SMYD3: variants seen among roughly 807,000 people sequenced by gnomAD.
SMYD3 encodes the protein histone-lysine N-methyltransferase SMYD3.
In SMYD3, 36 loss-of-function variants were observed where a neutral mutation model predicts 57.7. The observed-to-expected ratio is 0.62, with a 90% CI of 0.48 to 0.82. The LOEUF is 0.82. Among genes scored for constraint, SMYD3 ranks in the 40% least tolerant of loss-of-function variants. SMYD3 has a pLI of 0.00. For synonymous variants in SMYD3, 211 were observed against 195.0 expected (o/e 1.08, Z -0.68); for missense variants, 515 against 538.8 (o/e 0.96, Z 0.44).
chr1:246,138,714 C>T (rs905340450), intron 5 of SMYD3, among the ~76,000 whole-genome samples: 9 of 151,978 alleles, frequency 5.9e-5, no homozygotes, highest in African/African-American at 1.7e-4. Flanking sequence ...CATGAGTCAC[C>T]GCGCCCAGCC....
chr1:246,495,950 G>A (rs1161734119), intron 1 of SMYD3, among the ~76,000 whole-genome samples: 2 of 146,224 alleles, frequency 1.4e-5, no homozygotes, highest in African/African-American at 5.0e-5. Flanking sequence ...GGGTGACAGT[G>A]AGACTTCACC....
intron 10 of SMYD3, among the ~76,000 whole-genome samples, chr1:245,773,788 T>G (rs1001686450): frequency 1.3e-5 from 2 of 152,222 alleles, no homozygotes; most frequent in Non-Finnish European, 2.9e-5. Context: ...GGTAATGAGA[T>G]ATTCCCTACA....
chr1:245,786,662 G>A (rs1010216903), intron 10 of SMYD3, among the ~76,000 whole-genome samples: 5 of 150,460 alleles, frequency 3.3e-5, no homozygotes, highest in Admixed American at 6.6e-5. Context: ...AGCATCACCC[G>A]TCCCACAGCG....
intron 5 of SMYD3, among the ~76,000 whole-genome samples, chr1:245,996,419 G>A (rs895418919): frequency 1.3e-5 from 2 of 152,142 alleles, no homozygotes; most frequent in Non-Finnish European, 2.9e-5. Context: ...CAATGCTAAT[G>A]GGTTTATATA....
At chr1:245,751,580 GAGAGAGAGAGAGAA>G (rs549065673) in intron 11 of SMYD3, among the ~76,000 whole-genome samples, 42,439 of 137,230 alleles carry the variant, frequency 0.31, 6,659 homozygotes, top group East Asian at 0.53. Context: ...GAAAGAGAAA[GAGAGAGAGAGAGAA>G]AGAGAGAGAG....
rs989096294 is a variant in SMYD3, at chr1:246,355,782, C to G, written c.165-688G>C. Among the ~76,000 whole-genome samples, 1 of 152,136 alleles carries G rather than the reference C, an allele frequency of 6.6e-6. No homozygotes were observed. Among genetic ancestry groups the G allele is most frequent in the Non-Finnish European group, 1.5e-5 (1 of 68,024 alleles). ...AACCACATCCCCATCCCAACAGCAG[C>G]CGCAGCAATCCCCAGCCAAGGAGAA... is the stretch of plus-strand genomic sequence containing the variant. On this transcript the variant is annotated intron_variant, in intron 1 of 11. Transcript: ENST00000490107. This position sits in a 1 kb window ranked among gnomAD's most constrained non-coding sequence, Gnocchi z 5.0.
intron 1 of SMYD3, among the ~76,000 whole-genome samples, chr1:246,442,480 A>G (rs2067485244): frequency 6.6e-6 from 1 of 152,080 alleles, no homozygotes; most frequent in African/African-American, 2.4e-5. Context: ...CCTGGGAGGC[A>G]GAGGTCGCAA....
rs866676120 is a variant in SMYD3, at chr1:246,222,364, C to T, written c.531+104837G>A. 2.0e-5 allele frequency among the ~76,000 whole-genome samples: 3 copies of T among 152,144 alleles called. 1 individual carries two copies. The highest frequency in any genetic ancestry group is 6.8e-3 in the Middle Eastern group (2 of 294). On this transcript the variant is annotated intron_variant, in intron 5 of 11. Coordinates refer to ENST00000490107, the MANE Select transcript of SMYD3 (RefSeq NM_001167740.2). ...ACAAGGAACAAAGCACAGAGAGATC[C>T]ATATTACAGAAAATGGACTGAACTC...
chr1:245,953,233 TTTC>T lies in SMYD3; in HGVS notation c.532-23299_532-23297del, dbSNP rs759756635. The stretch of plus-strand genomic sequence containing the variant: ...AGAAAGAAACAAAGCAAGATTACCT[TTTC>T]TTCTTCTTCTTCCATAGTTTAAATT... On this transcript the variant is annotated intron_variant, in intron 5 of 11. Transcript: ENST00000490107. 300 of 999,684 alleles carry T rather than the reference TTTC, an allele frequency of 3.0e-4. No homozygotes were observed. The African/African-American group carries it at 3.6e-3, about 12-fold the overall frequency. The allele number at this position is 999,684 out of a possible 1,614,324, so 61.9% of individuals were successfully genotyped here. A position where few individuals can be genotyped will look rare whatever the true frequency, so the allele number is the denominator to read the frequency against.
intron 5 of SMYD3, among the ~76,000 whole-genome samples, chr1:246,114,944 A>G (rs1237616589): frequency 6.6e-6 from 1 of 152,106 alleles, no homozygotes; most frequent in Non-Finnish European, 1.5e-5. Context: ...CTTGGTTTTA[A>G]CTCGCACCTG....
chr1:246,090,475 C>T (rs7546768), intron 5 of SMYD3, among the ~76,000 whole-genome samples: 12,638 of 151,038 alleles, frequency 0.084, 1,598 homozygotes, highest in African/African-American at 0.27. Context: ...TTGGAAGACT[C>T]CTCTCTCTAT....
chr1:246,145,548 C>T (rs1001370617), intron 5 of SMYD3, among the ~76,000 whole-genome samples: 11 of 152,206 alleles, frequency 7.2e-5, no homozygotes, highest in African/African-American at 2.7e-4. Flanking sequence ...CTGCTATATA[C>T]TCACCAAATG....
At chr1:245,892,170 T>TA (rs1254536270) in intron 8 of SMYD3, among the ~76,000 whole-genome samples, 12 of 152,172 alleles carry the variant, frequency 7.9e-5, no homozygotes, top group Middle Eastern at 3.4e-3. Context: ...CAGGAGGAGT[T>TA]AAAAAACTGT....
intron 10 of SMYD3, among the ~76,000 whole-genome samples, chr1:245,787,153 G>A (rs747393163): frequency 6.6e-6 from 1 of 151,518 alleles, no homozygotes; most frequent in Non-Finnish European, 1.5e-5. Context: ...CCACAGCCTT[G>A]CTATGCCCTG....
In SMYD3 at chr1:246,339,940, A is replaced by T. The variant is rs990249195; in HGVS notation, c.229-4466T>A. ...CTTGGACTTCCCGGCCTCCAGAAAC[A>T]CCAGCCAAATAAACTTCTATTGTTT... On this transcript the variant is annotated intron_variant, in intron 2 of 11. Coordinates refer to ENST00000490107, the MANE Select transcript of SMYD3 (RefSeq NM_001167740.2). Among the ~76,000 whole-genome samples the T allele has an allele frequency of 9.2e-5, 14 of 152,284 alleles. 1 individual carries two copies. The highest frequency in any genetic ancestry group is 5.8e-4 in the East Asian group (3 of 5,184).
chr1:245,861,969 C>T (rs998330264), intron 9 of SMYD3, among the ~76,000 whole-genome samples: 12 of 149,118 alleles, frequency 8.0e-5, no homozygotes, highest in African/African-American at 2.9e-4. Context: ...TGAAACTGAA[C>T]TCTGGCTGGG....
At chr1:246,296,311 G>C (rs970791280) in intron 5 of SMYD3, among the ~76,000 whole-genome samples, 1 of 152,118 alleles carries the variant, frequency 6.6e-6, no homozygotes, top group African/African-American at 2.4e-5. Flanking sequence ...CTTTAGCCAT[G>C]AACAACTCAT....
intron 1 of SMYD3, among the ~76,000 whole-genome samples, chr1:246,404,581 A>G (rs1271630549): frequency 6.6e-6 from 1 of 152,194 alleles, no homozygotes; most frequent in Non-Finnish European, 1.5e-5. Flanking sequence ...TTGCAAGTTA[A>G]AGAGACAGAA....
In SMYD3 at chr1:246,418,334, G is replaced by T. The variant is rs2067093673; in HGVS notation, c.165-63240C>A. Among the ~76,000 whole-genome samples the T allele has an allele frequency of 2.6e-5, 4 of 152,186 alleles. No homozygotes were observed. The South Asian group carries it at 8.3e-4, about 31-fold the overall frequency. On this transcript the variant is annotated intron_variant, in intron 1 of 11. Coordinates refer to ENST00000490107, the MANE Select transcript of SMYD3 (RefSeq NM_001167740.2). ...GTCCCCCTCTGCCACAGAGGGAGTG[G>T]CTTGCTTCTTCAGCGCCCTGCTGCT...
Sources: gnomAD v4.1 joint callset for allele counts (sites outside exome capture counted in the v4.1 genomes callset) on GRCh38, gnomAD v4.1.1 for gene constraint, Gnocchi (gnomAD v3.1) non-coding constraint, MANE v1.5 for transcripts, NCBI Gene and HGNC (gene_info 2026-07-23, HGNC 2026-07-21) for gene names.